The following CCDC102B variants were observed in gnomAD, a reference collection of about 807,000 sequenced individuals.
CCDC102B encodes the protein coiled-coil domain-containing protein 102B.
CCDC102B carries 75 observed loss-of-function variants against 57.4 expected under a neutral mutation model. That is an observed-to-expected ratio of 1.31 (90% CI 1.08 to 1.58). The LOEUF is 1.58. Ranked by LOEUF, CCDC102B falls within the 40% of genes most tolerant of loss-of-function variation. The pLI is 0.00. For synonymous variants in CCDC102B, 206 were observed against 201.9 expected (o/e 1.02, Z -0.17); for missense variants, 636 against 582.6 (o/e 1.09, Z -0.94).
intron 1 of CCDC102B, among the ~76,000 whole-genome samples, chr18:68,806,622 A>G (rs1027481319): frequency 1.6e-4 from 25 of 152,204 alleles, no homozygotes; most frequent in Non-Finnish European, 3.4e-4. Flanking sequence ...CTGTGGAAAA[A>G]GAGAAGCTCT....
At chr18:68,828,410 A>T (rs751552625) in intron 1 of CCDC102B, among the ~76,000 whole-genome samples, 3 of 151,614 alleles carry the variant, frequency 2.0e-5, no homozygotes, top group Non-Finnish European at 4.4e-5. Context: ...TAATGAAATC[A>T]AACTAAAAAT....
intron 7 of CCDC102B, among the ~76,000 whole-genome samples, chr18:69,049,241 C>A (rs1193564220): frequency 6.6e-6 from 1 of 151,996 alleles, no homozygotes; most frequent in Non-Finnish European, 1.5e-5. Flanking sequence ...CTCTCTGTGT[C>A]CATGTGTTCT....
At chr18:68,831,869 A>C (rs1240114916) in intron 1 of CCDC102B, among the ~76,000 whole-genome samples, 1 of 152,148 alleles carries the variant, frequency 6.6e-6, no homozygotes, top group Non-Finnish European at 1.5e-5. Flanking sequence ...TCTATACAAA[A>C]TGCATTTTCA....
intron 6 of CCDC102B, among the ~76,000 whole-genome samples, chr18:68,985,471 A>G (rs1028868858): frequency 2.2e-4 from 33 of 152,262 alleles, no homozygotes; most frequent in African/African-American, 7.7e-4. Context: ...AATAGATGCA[A>G]TTGAAGAGCT....
chr18:68,960,843 G>A (rs748564148), intron 6 of CCDC102B, among the ~76,000 whole-genome samples: 11 of 152,148 alleles, frequency 7.2e-5, no homozygotes, highest in Non-Finnish European at 1.3e-4. Context: ...TCTCAAGTGT[G>A]CAGGTTTTCT....
intron 4 of CCDC102B, among the ~76,000 whole-genome samples, chr18:68,872,996 T>A (rs1396487544): frequency 6.6e-6 from 1 of 152,164 alleles, no homozygotes; most frequent in Non-Finnish European, 1.5e-5. Flanking sequence ...TTTAATTCCC[T>A]GTAGTTTAAT....
rs1313264030 is a variant in CCDC102B at position 68,776,421 on chromosome 18, C to T, written c.-66-46945C>T. Reference sequence around the variant, plus strand: ...AAAGACACGGAATCAACCTAAATGTCCATGAATAGAAAACAGAATAGAGAA... The same window carrying T: ...AAAGACACGGAATCAACCTAAATGTTCATGAATAGAAAACAGAATAGAGAA... On this transcript the variant is annotated intron_variant, in intron 2 of 3. Transcript: ENST00000578970. Among the ~76,000 whole-genome samples, 3 of 152,110 alleles carry T rather than the reference C, an allele frequency of 2.0e-5. No individual in the cohort carries two copies. The South Asian group carries it at 6.2e-4, about 32-fold the overall frequency.
Position 68,836,835 on chromosome 18 carries a change from G to A in CCDC102B, c.72G>A (p.Lys24=). ...TCCAGATGCAACAATCATCAATTAA[G>A]TCACGCGGCGACATGGTGGCACCTG... is the stretch of plus-strand genomic sequence containing the variant. ...QIFQMQQSSI[K]SRGDMVAPAS... Residue 24 remains lysine, a synonymous_variant, in exon 2 of 8, where the codon AAG becomes AAA. Transcript: ENST00000360242. 1 of 1,613,934 alleles carries A rather than the reference G, an allele frequency of 6.2e-7. No homozygotes were observed. The highest frequency in any genetic ancestry group is 1.1e-5 in the South Asian group (1 of 91,072).
downstream of CCDC102B, among the ~76,000 whole-genome samples, chr18:69,057,954 C>T (rs2052843169): frequency 6.6e-6 from 1 of 151,988 alleles, no homozygotes; most frequent in Non-Finnish European, 1.5e-5. Flanking sequence ...AATTCATGAG[C>T]ATAGCAGCTA....
chr18:68,739,229 A>G (rs1599390950), intron 2 of CCDC102B, among the ~76,000 whole-genome samples: 4 of 152,226 alleles, frequency 2.6e-5, no homozygotes, highest in Non-Finnish European at 1.5e-5. Flanking sequence ...CTCCTGGTCT[A>G]AAGTGATCTG....
At chr18:68,940,075 A>G in intron 6 of CCDC102B, among the ~76,000 whole-genome samples, 1 of 151,536 alleles carries the variant, frequency 6.6e-6, no homozygotes, top group East Asian at 1.9e-4. Context: ...TTTAGATATC[A>G]TGGTATTTCT....
chr18:68,967,079 T>C (rs1162416878), intron 6 of CCDC102B, among the ~76,000 whole-genome samples: 1 of 152,168 alleles, frequency 6.6e-6, no homozygotes, highest in Admixed American at 6.6e-5. Context: ...CTAGAGTTTA[T>C]GGAAGAAACA....
At position 68,828,170 on chromosome 18, in the gene CCDC102B, A is replaced by G. The variant is rs1384797163; in HGVS notation, c.-15-8579A>G. On this transcript the variant is annotated intron_variant, in intron 1 of 7. Coordinates refer to ENST00000360242, the MANE Select transcript of CCDC102B (RefSeq NM_024781.3). ...TCTCTCAACAACTAATAAAATGACT[A>G]CACAGAATATCAGCAGAGGTATAGA... 2.0e-5 allele frequency among the ~76,000 whole-genome samples: 3 copies of G among 151,824 alleles called. No homozygotes were observed. In the East Asian group the frequency reaches 5.8e-4, roughly 29 times the overall value.
chr18:68,968,572 T>G (rs985001670), intron 6 of CCDC102B, among the ~76,000 whole-genome samples: 1 of 152,194 alleles, frequency 6.6e-6, no homozygotes, highest in Non-Finnish European at 1.5e-5. Context: ...CTAAGACCAC[T>G]TAACATGAGA....
chr18:68,912,386 C>A (rs1389470361), intron 6 of CCDC102B, among the ~76,000 whole-genome samples: 1 of 152,134 alleles, frequency 6.6e-6, no homozygotes, highest in East Asian at 1.9e-4. Flanking sequence ...ACAGTCCAAC[C>A]CAGTGGTTCT....
chr18:68,931,327 A>G (rs906511546), intron 6 of CCDC102B, among the ~76,000 whole-genome samples: 1 of 151,976 alleles, frequency 6.6e-6, no homozygotes, highest in African/African-American at 2.4e-5. Flanking sequence ...CTAAACTGCT[A>G]TGACATTTTG....
intron 1 of CCDC102B, among the ~76,000 whole-genome samples, chr18:68,799,925 A>G (rs2035785069): frequency 6.6e-6 from 1 of 152,104 alleles, no homozygotes. Flanking sequence ...TGGCCTTTAC[A>G]TATCATACAA....
At chr18:68,890,743 T>C (rs561994448) in intron 5 of CCDC102B, among the ~76,000 whole-genome samples, 2 of 152,320 alleles carry the variant, frequency 1.3e-5, no homozygotes, top group African/African-American at 4.8e-5. Flanking sequence ...CATCAAATTG[T>C]TTTTGGATTT....
chr18:69,015,220 A>G (rs923289665), intron 7 of CCDC102B, among the ~76,000 whole-genome samples: 1 of 152,196 alleles, frequency 6.6e-6, no homozygotes, highest in African/African-American at 2.4e-5. Flanking sequence ...ATTGAAATAT[A>G]TGTTTAACAC....
Sources: allele counts gnomAD v4.1 joint callset (sites outside exome capture counted in the v4.1 genomes callset), GRCh38; gene constraint gnomAD v4.1.1; transcripts MANE v1.5; gene names NCBI Gene and HGNC (gene_info 2026-07-23, HGNC 2026-07-21).